RTTN: variants seen among roughly 807,000 people sequenced by gnomAD.
RTTN encodes the protein rotatin.
RTTN carries 182 observed loss-of-function variants against 269.2 expected under a neutral mutation model. The observed-to-expected ratio is 0.68, with a 90% confidence interval of 0.60 to 0.76. The LOEUF (loss-of-function observed/expected upper bound fraction) is 0.76. Among genes scored for constraint, RTTN ranks in the 30% least tolerant of loss-of-function variants. The pLI is 0.00. For missense variants in RTTN, 2,545 were observed against 2,608.6 expected (o/e 0.98, Z 0.53); for synonymous variants, 1,006 against 963.5 (o/e 1.04, Z -0.82).
At chr18:70,068,209 C>T (rs569993893) in intron 34 of RTTN, among the ~76,000 whole-genome samples, 93 of 152,206 alleles carry the variant, frequency 6.1e-4, no homozygotes, top group Middle Eastern at 3.4e-3. Flanking sequence ...TAAAGTACAT[C>T]GATATGTAAA....
intron 28 of RTTN, among the ~76,000 whole-genome samples, chr18:70,105,196 G>T (rs567323657): frequency 3.9e-5 from 6 of 152,240 alleles, no homozygotes; most frequent in East Asian, 1.9e-4. Context: ...CCTCAGCAAT[G>T]GCGGACACCC....
rs62089120 is a variant in RTTN at position 70,088,098 on chromosome 18, G to A, written c.4193C>T (p.Thr1398Met). 5,509 of 1,613,870 alleles carry A rather than the reference G, an allele frequency of 3.4e-3. 16 individuals are homozygous for A. Among genetic ancestry groups the A allele is most frequent in the Non-Finnish European group, 4.4e-3 (5,219 of 1,179,856 alleles). Residue 1398 changes from threonine (T) to methionine (M), a missense_variant, in exon 31 of 49, where the codon ACG becomes ATG. Physicochemically the swap from Thr to Met is moderately conservative, Grantham distance 81. Transcript: ENST00000640769. Reference sequence around the variant, plus strand: ...ACTGTTTGCTAAGGCCACACAGCCCGTTTCAAGGGTGGTCAGTGCTGATCC... The same window carrying A: ...ACTGTTTGCTAAGGCCACACAGCCCATTTCAAGGGTGGTCAGTGCTGATCC... ...GLGSALTTLETGCVALANSCQ... is the reference protein window; with the variant it reads ...GLGSALTTLEMGCVALANSCQ...
At chr18:70,143,867 T>G (rs879922043) in intron 18 of RTTN, among the ~76,000 whole-genome samples, 48 of 152,006 alleles carry the variant, frequency 3.2e-4, no homozygotes, top group African/African-American at 9.9e-4. Flanking sequence ...CTTTTTTTTT[T>G]TTGTTTTTTG....
Position 70,086,591 on chromosome 18 carries a change from A to G in RTTN, c.4374+22T>C, listed in dbSNP as rs1190627558. 3.3e-6 allele frequency: 5 copies of G among 1,504,580 alleles called. No individual in the cohort carries two copies. The African/African-American group carries it at 4.3e-5, about 13-fold the overall frequency. 93.2% of individuals were successfully genotyped at this position (1,504,580 alleles called of 1,614,324 possible). ...TTAATTTGAAACATCTACTAGGTTG[A>G]TAATTGTTTAAAATCACCCACCTGC... On this transcript the variant is annotated intron_variant, in intron 32 of 48. Coordinates refer to ENST00000640769, the MANE Select transcript of RTTN (RefSeq NM_173630.4).
At chr18:70,018,235 C>T (rs1443609617) in intron 45 of RTTN, among the ~76,000 whole-genome samples, 1 of 152,128 alleles carries the variant, frequency 6.6e-6, no homozygotes. Flanking sequence ...TTCTATTATG[C>T]TTACAGATGA....
In RTTN at chr18:70,017,647, G is replaced by C. The variant is rs778672614; in HGVS notation, c.6181C>G (p.Leu2061Val). The C allele has an allele frequency of 1.9e-6, 3 of 1,612,804 alleles. No homozygotes were observed. The highest frequency in any genetic ancestry group is 2.5e-6 in the Non-Finnish European group (3 of 1,179,244). Residue 2061 changes from leucine to valine, a missense_variant, in exon 46 of 49, where the codon CTA becomes GTA. Transcript: ENST00000640769. ...KSNFLQNFLS[L>V]ALPKGGNKHL... ...TTATTTCCTCCTTTTGGCAATGCTA[G>C]AGAGAGGAAGTTCTGTAAGAAGTTA... is the stretch of plus-strand genomic sequence containing the variant.
At chr18:70,086,815 C>T (rs2058713958) in intron 31 of RTTN, 131 bp from the exon 32 acceptor site, 1 of 806,944 alleles carries the variant, frequency 1.2e-6, no homozygotes, top group East Asian at 2.6e-5. Context: ...TGGTCAACTG[C>T]ACATGCTGAG....
chr18:70,108,268 C>T (rs948654452), intron 28 of RTTN, among the ~76,000 whole-genome samples: 7 of 114,988 alleles, frequency 6.1e-5, no homozygotes, highest in Non-Finnish European at 1.2e-4. Context: ...CAGAGCAAGA[C>T]TCTGTCTCAA....
chr18:70,113,971 A>G (rs1023822366), intron 27 of RTTN, among the ~76,000 whole-genome samples: 2 of 152,166 alleles, frequency 1.3e-5, no homozygotes, highest in African/African-American at 4.8e-5. Flanking sequence ...GGTAGTGGTG[A>G]CAGTTGCAAA....
intron 25 of RTTN, among the ~76,000 whole-genome samples, chr18:70,122,083 C>A (rs969856815): frequency 6.6e-6 from 1 of 151,964 alleles, no homozygotes; most frequent in Non-Finnish European, 1.5e-5. Flanking sequence ...GTACTTCAAA[C>A]CTAATTCTGA....
chr18:70,079,221 C>A (rs1369757824), intron 32 of RTTN, among the ~76,000 whole-genome samples: 1 of 151,310 alleles, frequency 6.6e-6, no homozygotes, highest in African/African-American at 2.4e-5. Flanking sequence ...GTATTTATTA[C>A]TTGAAAAAAA....
intron 28 of RTTN, among the ~76,000 whole-genome samples, chr18:70,097,935 A>C (rs1246236706): frequency 1.3e-5 from 2 of 152,224 alleles, no homozygotes; most frequent in Non-Finnish European, 2.9e-5. Flanking sequence ...CTTCTTCTTT[A>C]GTTACCGCTG....
Position 70,109,550 on chromosome 18 carries a change from GGA to G in RTTN, c.3849_3850del (p.Pro1284SerfsTer17). The stretch of plus-strand genomic sequence containing the variant: ...ACAGATATCTAGAGGCTTTGTGAGA[GGA>G]GAGTGTGAGCTCCATCCCGGAAACG... On this transcript the variant is annotated frameshift_variant, in exon 28 of 49. Coordinates refer to ENST00000640769, the MANE Select transcript of RTTN (RefSeq NM_173630.4). LOFTEE classifies it high-confidence loss of function. 6.2e-7 allele frequency: 1 copy of G among 1,614,154 alleles called. No homozygotes were observed.
chr18:70,064,176 A>G (rs2144944174), intron 35 of RTTN, among the ~76,000 whole-genome samples: 1 of 151,622 alleles, frequency 6.6e-6, no homozygotes, highest in African/African-American at 2.4e-5. Context: ...AAGCTCTACT[A>G]AAAATACAAA....
intron 14 of RTTN, among the ~76,000 whole-genome samples, chr18:70,165,317 G>A (rs1199287296): frequency 2.0e-5 from 3 of 151,290 alleles, no homozygotes; most frequent in Admixed American, 1.3e-4. Flanking sequence ...TATATATAAA[G>A]ATACAGCTTT....
chr18:70,061,028 T>C lies in RTTN; in HGVS notation c.4748-986A>G, dbSNP rs536759871. ...CGGAACTTAGACTGATTCCCTATCT[T>C]GGCTATCACGAATGGCGTTGCAATC... On this transcript the variant is annotated intron_variant, in intron 35 of 48. Transcript: ENST00000640769. Among the ~76,000 whole-genome samples the C allele has an allele frequency of 3.8e-4, 58 of 152,320 alleles. 1 individual carries two copies. The South Asian group carries it at 8.5e-3, about 22-fold the overall frequency.
chr18:70,075,725 G>A (rs2145076118), intron 32 of RTTN, among the ~76,000 whole-genome samples, 184 bp from the exon 33 acceptor site: 1 of 151,984 alleles, frequency 6.6e-6, no homozygotes, highest in Middle Eastern at 3.4e-3. Context: ...TAATACTCTA[G>A]GTCTTTGCTG....
intron 27 of RTTN, among the ~76,000 whole-genome samples, chr18:70,112,463 T>G (rs1388654232): frequency 1.0e-5 from 1 of 96,030 alleles, no homozygotes; most frequent in Non-Finnish European, 2.1e-5. Flanking sequence ...TGGAGGATGA[T>G]TTATCAAGCA....
At chr18:70,111,027 G>A (rs2059451006) in intron 27 of RTTN, among the ~76,000 whole-genome samples, 1 of 152,256 alleles carries the variant, frequency 6.6e-6, no homozygotes, top group South Asian at 2.1e-4. Context: ...TGTCTGGGCA[G>A]GGCATCTCTG....
Sources: allele counts gnomAD v4.1 joint callset (sites outside exome capture counted in the v4.1 genomes callset), GRCh38; gene constraint gnomAD v4.1.1; transcripts MANE v1.5; gene names NCBI Gene and HGNC (gene_info 2026-07-23, HGNC 2026-07-21).